Variants in ITPR2 observed in about 807,000 individuals in gnomAD.
The protein encoded by ITPR2 is inositol 1,4,5-trisphosphate-gated calcium channel ITPR2.
A neutral mutation model predicts 317.1 loss-of-function variants in ITPR2; 207 were observed. The observed-to-expected ratio is 0.65, with a 90% CI of 0.58 to 0.73. The LOEUF is 0.73. Ranked by LOEUF, ITPR2 falls within the 30% of genes least tolerant of loss-of-function variation. ITPR2 has a pLI of 0.00. For synonymous variants in ITPR2, 1,156 were observed against 1,149.1 expected (o/e 1.01, Z -0.12); for missense variants, 2,613 against 3,284.0 (o/e 0.80, Z 4.99).
chr12:26,816,375 C>T (rs1950852546), intron 1 of ITPR2, among the ~76,000 whole-genome samples: 1 of 152,114 alleles, frequency 6.6e-6, no homozygotes, highest in Non-Finnish European at 1.5e-5. Flanking sequence ...TCCTGCTTTA[C>T]AGATAAGGAA....
At chr12:26,378,661 A>T (rs1939416262) in intron 55 of ITPR2, among the ~76,000 whole-genome samples, 2 of 152,190 alleles carry the variant, frequency 1.3e-5, no homozygotes, top group South Asian at 4.1e-4. Flanking sequence ...TGGTCCTGGG[A>T]GGGCAATGAT....
chr12:26,517,087 T>C (rs140052603), intron 37 of ITPR2, among the ~76,000 whole-genome samples: 3 of 152,152 alleles, frequency 2.0e-5, no homozygotes, highest in South Asian at 2.1e-4. Flanking sequence ...CTTCAAAAGA[T>C]CCCTTGCATC....
intron 2 of ITPR2, chr12:26,726,000 G>A (rs1326076257): frequency 8.0e-6 from 3 of 376,654 alleles, no homozygotes; most frequent in South Asian, 4.3e-5. Flanking sequence ...TAAAGACTAC[G>A]ATAGCCAGTG....
rs139405944 is a variant in ITPR2 at position 26,386,876 on chromosome 12, C to T, written c.7857+558G>A. The stretch of plus-strand genomic sequence containing the variant: ...AACCACATCCTCTGTCCTAATCTTG[C>T]TGAGGAGTTATAAGCAACTAGATGT... On this transcript the variant is annotated intron_variant, in intron 55 of 56. Transcript: ENST00000381340. 3.0e-3 allele frequency among the ~76,000 whole-genome samples: 456 copies of T among 152,186 alleles called. 1 individual carries two copies. The highest frequency in any genetic ancestry group is 4.7e-3 in the Non-Finnish European group (321 of 67,996).
intron 29 of ITPR2, among the ~76,000 whole-genome samples, 153 bp downstream of exon 29, chr12:26,599,834 G>GAA (rs140295750): frequency 6.9e-5 from 10 of 144,324 alleles, no homozygotes; most frequent in Admixed American, 2.1e-4. Context: ...TTTCCTTAAT[G>GAA]AAAAAAAAAA....
intron 32 of ITPR2, among the ~76,000 whole-genome samples, chr12:26,582,483 G>T (rs1232149386): frequency 6.6e-6 from 1 of 152,056 alleles, no homozygotes; most frequent in Non-Finnish European, 1.5e-5. Context: ...ACTTTAAAAA[G>T]CTATATTTAT....
chr12:26,555,701 C>T (rs1341357840), intron 36 of ITPR2, among the ~76,000 whole-genome samples: 3 of 151,808 alleles, frequency 2.0e-5, no homozygotes, highest in South Asian at 2.1e-4. Flanking sequence ...GGCAGCATGG[C>T]CATGTGCGGG....
chr12:26,553,395 T>C (rs1944578244), intron 36 of ITPR2, among the ~76,000 whole-genome samples: 1 of 152,216 alleles, frequency 6.6e-6, no homozygotes, highest in East Asian at 1.9e-4. Flanking sequence ...ATTCCAAGAA[T>C]TAGATTTATT....
chr12:26,795,060 T>C (rs2137224950), intron 1 of ITPR2, among the ~76,000 whole-genome samples: 1 of 152,378 alleles, frequency 6.6e-6, no homozygotes, highest in Non-Finnish European at 1.5e-5. Flanking sequence ...ATTTTTATAG[T>C]ATCTAAAATT....
chr12:26,580,322 A>G (rs181203546), intron 32 of ITPR2, among the ~76,000 whole-genome samples, 167 bp from the exon 33 acceptor site: 15 of 152,174 alleles, frequency 9.9e-5, no homozygotes, highest in Non-Finnish European at 1.6e-4. Flanking sequence ...TGATAATTGT[A>G]TCAATCTTCA....
chr12:26,817,806 T>G (rs1308223257), intron 1 of ITPR2, among the ~76,000 whole-genome samples: 1 of 151,970 alleles, frequency 6.6e-6, no homozygotes, highest in Non-Finnish European at 1.5e-5. Context: ...ATCTGTATGG[T>G]CCAAGATGCC....
chr12:26,391,544 CT>C (rs1275617859), intron 54 of ITPR2, among the ~76,000 whole-genome samples: 1 of 108,900 alleles, frequency 9.2e-6, no homozygotes, highest in Non-Finnish European at 1.9e-5. Context: ...TCTTCTTCTT[CT>C]TCTTCTTTTC....
At chr12:26,371,919 A>T (rs11612484) in intron 55 of ITPR2, among the ~76,000 whole-genome samples, 13,528 of 152,112 alleles carry the variant, frequency 0.089, 776 homozygotes, top group South Asian at 0.21. Flanking sequence ...TCGGATTTTT[A>T]AAAAAATCAC....
At chr12:26,419,523 G>T in intron 49 of ITPR2, 1 of 194,210 alleles carries the variant, frequency 5.1e-6, no homozygotes, top group Non-Finnish European at 1.1e-5. Context: ...GACAGGTCTG[G>T]ATTTAAATCT....
intron 1 of ITPR2, among the ~76,000 whole-genome samples, chr12:26,811,113 T>C (rs1469239316): frequency 6.6e-6 from 1 of 151,846 alleles, no homozygotes; most frequent in African/African-American, 2.4e-5. Flanking sequence ...TGCTGAATTG[T>C]AGTCAGATAT....
chr12:26,554,433 G>C (rs889826772), intron 36 of ITPR2, among the ~76,000 whole-genome samples: 5 of 152,218 alleles, frequency 3.3e-5, no homozygotes, highest in African/African-American at 1.2e-4. Context: ...TAAAGGATCA[G>C]ACAGTAAATA....
chr12:26,811,036 C>CAAAAAAAA (rs79796097), intron 1 of ITPR2, among the ~76,000 whole-genome samples: 1 of 108,314 alleles, frequency 9.2e-6, no homozygotes, highest in African/African-American at 3.9e-5. Flanking sequence ...TTTTAAGTTA[C>CAAAAAAAA]AAAAAAAAAA....
chr12:26,756,353 C>T (rs1949518806), intron 2 of ITPR2, among the ~76,000 whole-genome samples: 1 of 152,162 alleles, frequency 6.6e-6, no homozygotes, highest in Non-Finnish European at 1.5e-5. Context: ...AAATCTGGAT[C>T]AGTATTCTAA....
At chr12:26,585,620 G>C (rs577211837) in intron 32 of ITPR2, among the ~76,000 whole-genome samples, 9 of 152,152 alleles carry the variant, frequency 5.9e-5, no homozygotes, top group Non-Finnish European at 1.0e-4. Flanking sequence ...TCCCAGGCTG[G>C]TCTCGAACTC....
Sources: allele counts gnomAD v4.1 joint callset (sites outside exome capture counted in the v4.1 genomes callset), GRCh38; gene constraint gnomAD v4.1.1; transcripts MANE v1.5; gene names NCBI Gene and HGNC (gene_info 2026-07-23, HGNC 2026-07-21).